Variants in PTPN3 observed in about 807,000 individuals in gnomAD.
PTPN3 encodes tyrosine-protein phosphatase non-receptor type 3.
Under a neutral mutation model 132.7 loss-of-function variants are expected in PTPN3, and 96 were observed. The observed-to-expected ratio is 0.72, with a 90% CI of 0.61 to 0.86. PTPN3 has a LOEUF of 0.86. Among genes scored for constraint, PTPN3 ranks in the 40% least tolerant of loss-of-function variants. The pLI is 0.00. For synonymous variants in PTPN3, 398 were observed against 429.0 expected, an observed-to-expected ratio of 0.93 and a Z score of 0.89; for missense variants, 1,125 against 1,159.6, an observed-to-expected ratio of 0.97 and a Z score of 0.43.
At chr9:109,467,085 AC>A (rs960268967) in intron 1 of PTPN3, among the ~76,000 whole-genome samples, 1 of 151,702 alleles carries the variant, frequency 6.6e-6, no homozygotes. Flanking sequence ...AATTCCACCC[AC>A]CCCACCACCT....
chr9:109,454,321 C>A (rs1845447503), intron 5 of PTPN3, among the ~76,000 whole-genome samples, 175 bp downstream of exon 5: 3 of 152,116 alleles, frequency 2.0e-5, no homozygotes, highest in African/African-American at 7.2e-5. Context: ...ACTGAAAACT[C>A]ATTAGGTGAT....
At chr9:109,391,368 C>T in intron 20 of PTPN3, 103 bp downstream of exon 20, 2 of 1,352,180 alleles carry the variant, frequency 1.5e-6, no homozygotes, top group Non-Finnish European at 2.1e-6. Context: ...GTGGTGTTTA[C>T]AGACACACTG....
intron 10 of PTPN3, among the ~76,000 whole-genome samples, chr9:109,431,548 A>AG (rs1452766493): frequency 6.6e-6 from 1 of 152,192 alleles, no homozygotes; most frequent in African/African-American, 2.4e-5. Context: ...GCTTCCTCTG[A>AG]GGGGCTTCTA....
intron 1 of PTPN3, among the ~76,000 whole-genome samples, chr9:109,497,625 A>G (rs1393342873): frequency 1.3e-5 from 2 of 152,110 alleles, no homozygotes; most frequent in African/African-American, 4.8e-5. Flanking sequence ...GCACTCTCAC[A>G]TACACTCCCC....
chr9:109,402,164 G>A (rs1841181570), intron 19 of PTPN3, among the ~76,000 whole-genome samples: 1 of 152,302 alleles, frequency 6.6e-6, no homozygotes, highest in East Asian at 1.9e-4. Flanking sequence ...TATGCACTGT[G>A]ACTGGCTCTT....
intron 25 of PTPN3, 88 bp downstream of exon 25, chr9:109,381,563 CT>C: frequency 6.5e-7 from 1 of 1,529,350 alleles, no homozygotes; most frequent in East Asian, 2.3e-5. Context: ...GAGCTGCAGT[CT>C]GTTGACTCAC....
chr9:109,490,191 C>T (rs932269029), intron 1 of PTPN3, among the ~76,000 whole-genome samples: 1 of 151,394 alleles, frequency 6.6e-6, no homozygotes, highest in Non-Finnish European at 1.5e-5. Flanking sequence ...TCAAAAAAAA[C>T]AAAACAAAAA....
intron 1 of PTPN3, among the ~76,000 whole-genome samples, chr9:109,466,431 C>T (rs368653912): frequency 2.3e-4 from 35 of 152,070 alleles, no homozygotes; most frequent in East Asian, 7.7e-4. Flanking sequence ...TGAGCCCAGG[C>T]ATTAGAGCCC....
At chr9:109,521,965 C>CAAGG in the PTPN3 span, among the ~76,000 whole-genome samples, 1 of 131,406 alleles carries the variant, frequency 7.6e-6, no homozygotes, top group Non-Finnish European at 1.6e-5. Flanking sequence ...GGGTACCTCT[C>CAAGG]CTTAGAGAGG....
intron 12 of PTPN3, among the ~76,000 whole-genome samples, chr9:109,425,296 G>A (rs940968497): frequency 1.1e-4 from 17 of 152,176 alleles, no homozygotes; most frequent in African/African-American, 3.9e-4. Flanking sequence ...AAAGTAACTG[G>A]AACAGTCTGA....
intron 19 of PTPN3, among the ~76,000 whole-genome samples, chr9:109,401,013 C>T (rs1381544270): frequency 1.3e-5 from 2 of 152,186 alleles, no homozygotes; most frequent in African/African-American, 4.8e-5. Flanking sequence ...GGTTCCATCA[C>T]AGGTCACAGA....
chr9:109,414,149 G>C (rs1842296329), intron 14 of PTPN3, among the ~76,000 whole-genome samples: 1 of 152,188 alleles, frequency 6.6e-6, no homozygotes, highest in Non-Finnish European at 1.5e-5. Flanking sequence ...GATCACCCGA[G>C]GTGATTGGGT....
At chr9:109,404,411 G>C in intron 19 of PTPN3, 37 bp downstream of exon 19, 1 of 1,338,622 alleles carries the variant, frequency 7.5e-7, no homozygotes, top group Non-Finnish European at 9.8e-7. Flanking sequence ...CCCAATAGGC[G>C]ACATGGCAGT....
At chr9:109,488,370 G>A (rs533286649) in intron 1 of PTPN3, among the ~76,000 whole-genome samples, 1 of 152,272 alleles carries the variant, frequency 6.6e-6, no homozygotes, top group East Asian at 1.9e-4. Flanking sequence ...AAAGTGCTAG[G>A]ATTACAGGCA....
rs987142874 is a variant in PTPN3 at position 109,383,299 on chromosome 9, G to A, written c.2382+124C>T. On this transcript the variant is annotated intron_variant, in intron 23 of 25. Coordinates refer to ENST00000374541, the MANE Select transcript of PTPN3 (RefSeq NM_002829.4). ...CTGGCTCTTTGATGGGCAGTCTTGCGCACTTACTGACACGCTTGCCAGGTG... is the reference window on the plus strand; with the variant it reads ...CTGGCTCTTTGATGGGCAGTCTTGCACACTTACTGACACGCTTGCCAGGTG... The A allele has an allele frequency of 1.4e-5, 22 of 1,532,530 alleles. No individual in the cohort carries two copies. The Admixed American group carries it at 1.7e-4, about 12-fold the overall frequency. The allele number at this position is 1,532,530 out of a possible 1,614,324, so 94.9% of individuals were successfully genotyped here. A position where few individuals can be genotyped will look rare whatever the true frequency, so the allele number is the denominator to read the frequency against.
At chr9:109,393,918 T>C (rs1387695056) in intron 19 of PTPN3, among the ~76,000 whole-genome samples, 2 of 152,246 alleles carry the variant, frequency 1.3e-5, no homozygotes, top group African/African-American at 4.8e-5. Context: ...GTCATAATAA[T>C]GGTGCTGTAT....
intron 4 of PTPN3, among the ~76,000 whole-genome samples, chr9:109,456,620 G>A (rs948020034): frequency 3.3e-5 from 5 of 152,182 alleles, no homozygotes; most frequent in Non-Finnish European, 5.9e-5. Flanking sequence ...ACATCAGGCC[G>A]AGAGCAGATC....
At position 109,379,487 on chromosome 9, in the gene PTPN3, G is replaced by C; in HGVS notation, c.*69C>G. On this transcript the variant is annotated 3_prime_UTR_variant, in exon 26 of 26. Transcript: ENST00000374541. ...CTACTGGTTCCTCTTGCTGCTTCCA[G>C]AGAGGTCTGTCCTCCTCTTTCAAGG... 1 of 1,414,798 alleles carries C rather than the reference G, an allele frequency of 7.1e-7. No individual in the cohort carries two copies. The highest frequency in any genetic ancestry group is 1.0e-6 in the Non-Finnish European group (1 of 1,001,030). The allele number at this position is 1,414,798 out of a possible 1,614,324, so 87.6% of individuals were successfully genotyped here.
At chr9:109,430,718 A>G (rs76071530) in intron 10 of PTPN3, among the ~76,000 whole-genome samples, 1,824 of 152,322 alleles carry the variant, frequency 0.012, 33 homozygotes, top group African/African-American at 0.041. Flanking sequence ...TGAGCACTGC[A>G]TGCAGGAATG....
Sources: gnomAD v4.1 joint callset for allele counts (sites outside exome capture counted in the v4.1 genomes callset) on GRCh38, gnomAD v4.1.1 for gene constraint, MANE v1.5 for transcripts, NCBI Gene and HGNC (gene_info 2026-07-23, HGNC 2026-07-21) for gene names.